Variants in ZNF385D observed in about 807,000 individuals in gnomAD.
ZNF385D encodes the protein zinc finger protein 659.
A neutral mutation model predicts 35.8 loss-of-function variants in ZNF385D; 15 were observed. The ratio of observed to expected loss-of-function variants is 0.42; its 90% CI spans 0.28 to 0.64. The LOEUF (loss-of-function observed/expected upper bound fraction) is 0.64, where lower values mean the gene tolerates loss of function less well. Ranked by LOEUF, ZNF385D falls within the 30% of genes least tolerant of loss-of-function variation. The probability of loss-of-function intolerance (pLI) is 0.23; values close to 1 mark genes in which losing one functional copy is unlikely to be tolerated. For synonymous variants in ZNF385D, 212 were observed against 186.8 expected (o/e 1.13, Z -1.10); for missense variants, 474 against 494.6 (o/e 0.96, Z 0.39).
At chr3:21,589,991 A>G (rs183526089) in intron 2 of ZNF385D, among the ~76,000 whole-genome samples, 252 of 152,252 alleles carry the variant, frequency 1.7e-3, no homozygotes, top group Non-Finnish European at 3.0e-3. Context: ...AATAGACTGT[A>G]AAGACTCATG....
intron 1 of ZNF385D, among the ~76,000 whole-genome samples, chr3:21,717,104 A>G (rs189470037): frequency 3.3e-5 from 5 of 152,234 alleles, no homozygotes; most frequent in Non-Finnish European, 5.9e-5. Context: ...CTGCACTCCA[A>G]CCTGGCAACG....
chr3:21,820,597 C>T (rs374039192), intron 3 of ZNF385D, among the ~76,000 whole-genome samples: 1 of 150,318 alleles, frequency 6.7e-6, no homozygotes, highest in East Asian at 2.0e-4. Context: ...ATGTTCCAAA[C>T]TAGGCATAAT....
intron 2 of ZNF385D, among the ~76,000 whole-genome samples, chr3:22,267,811 T>C (rs1576589456): frequency 6.6e-6 from 1 of 151,958 alleles, no homozygotes; most frequent in Admixed American, 6.6e-5. Context: ...ATTAAAGTAT[T>C]ACCAATATAC....
Position 21,638,560 on chromosome 3 carries a change from G to C in ZNF385D, c.165+26326C>G, listed in dbSNP as rs568934600. Among the ~76,000 whole-genome samples, 9 of 152,188 alleles carry C rather than the reference G, an allele frequency of 5.9e-5. No homozygotes were observed. In the South Asian group the frequency reaches 8.3e-4, roughly 14 times the overall value. On this transcript the variant is annotated intron_variant, in intron 2 of 7. Coordinates refer to ENST00000281523, the MANE Select transcript of ZNF385D (RefSeq NM_024697.3). ...CCAATGAGAACATAAAACTCATGGT[G>C]CCTGATATGACATCTGTCATAAAGT... is the stretch of plus-strand genomic sequence containing the variant.
chr3:22,140,657 G>T (rs1217693186), intron 3 of ZNF385D, among the ~76,000 whole-genome samples: 1 of 152,190 alleles, frequency 6.6e-6, no homozygotes. Context: ...GGAAAGCTGA[G>T]TGAAGGGTAC....
intron 3 of ZNF385D, among the ~76,000 whole-genome samples, chr3:21,524,719 G>C (rs139790560): frequency 2.6e-5 from 4 of 152,278 alleles, no homozygotes; most frequent in Non-Finnish European, 4.4e-5. Context: ...AAACCTGGCA[G>C]TAAGGTTGTT....
chr3:22,103,261 T>A (rs2125629002), intron 3 of ZNF385D, among the ~76,000 whole-genome samples: 1 of 151,786 alleles, frequency 6.6e-6, no homozygotes, highest in African/African-American at 2.4e-5. Context: ...AAACTGTGAG[T>A]TTCTTGAGGG....
At chr3:21,579,769 C>CTTGCCATTCCTAGCTGCTAGTGTT (rs919605445) in intron 2 of ZNF385D, 6 of 8,572 alleles carry the variant, frequency 7.0e-4, no homozygotes, top group East Asian at 5.8e-3. Flanking sequence ...AACATCCTTC[C>CTTGCCATTCCTAGCTGCTAGTGTT]TTGCCAGCCG....
intron 3 of ZNF385D, among the ~76,000 whole-genome samples, chr3:22,052,976 G>C (rs1309847669): frequency 1.3e-5 from 1 of 75,418 alleles, no homozygotes; most frequent in East Asian, 6.4e-4. Flanking sequence ...TGCCCCCAGA[G>C]GTGGAGCCTA....
At chr3:22,316,016 G>A (rs1703867342) in intron 2 of ZNF385D, among the ~76,000 whole-genome samples, 2 of 152,110 alleles carry the variant, frequency 1.3e-5, no homozygotes, top group African/African-American at 2.4e-5. Context: ...CATTACTATT[G>A]TCAAACCTAA....
intron 2 of ZNF385D, among the ~76,000 whole-genome samples, chr3:22,276,459 C>A (rs1701433208): frequency 6.6e-6 from 1 of 152,098 alleles, no homozygotes; most frequent in Non-Finnish European, 1.5e-5. Context: ...AGTCCTGCAT[C>A]TGAGACCCAG....
At chr3:21,553,240 A>G (rs925989634) in intron 3 of ZNF385D, among the ~76,000 whole-genome samples, 4 of 152,220 alleles carry the variant, frequency 2.6e-5, no homozygotes, top group African/African-American at 9.6e-5. Context: ...ATGGTAAAGT[A>G]ATAGACATAT....
At chr3:22,160,577 T>C (rs1219653718) in intron 3 of ZNF385D, among the ~76,000 whole-genome samples, 2 of 152,076 alleles carry the variant, frequency 1.3e-5, no homozygotes, top group African/African-American at 4.8e-5. Context: ...GAAAAAAGAA[T>C]AGATCAGTGA....
chr3:22,200,595 AG>A (rs1467677668), intron 2 of ZNF385D, among the ~76,000 whole-genome samples: 1 of 152,110 alleles, frequency 6.6e-6, no homozygotes, highest in Non-Finnish European at 1.5e-5. Context: ...ACATCTTATC[AG>A]GAGACAGGGT....
intron 2 of ZNF385D, among the ~76,000 whole-genome samples, chr3:21,627,912 G>A (rs899676682): frequency 5.9e-5 from 9 of 152,094 alleles, no homozygotes; most frequent in African/African-American, 1.9e-4. Context: ...ATCTTATCTA[G>A]AGTTTATCTT....
chr3:22,344,290 C>A (rs1695556226), intron 2 of ZNF385D, among the ~76,000 whole-genome samples: 1 of 152,058 alleles, frequency 6.6e-6, no homozygotes, highest in South Asian at 2.1e-4. Flanking sequence ...TCTCTACTCA[C>A]TACTGACTGC....
At chr3:22,279,887 G>C (rs1701650249) in intron 2 of ZNF385D, among the ~76,000 whole-genome samples, 1 of 151,860 alleles carries the variant, frequency 6.6e-6, no homozygotes, top group African/African-American at 2.4e-5. Flanking sequence ...GGCTGTACTA[G>C]TTTACATTCC....
intron 4 of ZNF385D, among the ~76,000 whole-genome samples, chr3:21,450,352 A>T (rs919131879): frequency 7.9e-5 from 12 of 152,230 alleles, no homozygotes; most frequent in Non-Finnish European, 1.5e-4. Context: ...TTACCTCAGT[A>T]AAAGCAAAAT....
At chr3:22,338,761 C>A (rs112091229) in intron 2 of ZNF385D, among the ~76,000 whole-genome samples, 3 of 141,018 alleles carry the variant, frequency 2.1e-5, no homozygotes, top group African/African-American at 8.2e-5. Flanking sequence ...AGTACAATGG[C>A]GCGATCTCGG....
Sources: allele counts gnomAD v4.1 joint callset (sites outside exome capture counted in the v4.1 genomes callset), GRCh38; gene constraint gnomAD v4.1.1; transcripts MANE v1.5; gene names NCBI Gene and HGNC (gene_info 2026-07-23, HGNC 2026-07-21).